The following TCEANC2 variants were observed in gnomAD, a reference collection of about 807,000 sequenced individuals.
TCEANC2 encodes transcription elongation factor A N-terminal and central domain containing 2.
TCEANC2 carries 20 observed loss-of-function variants against 22.8 expected under a neutral mutation model. The ratio of observed to expected loss-of-function variants is 0.88; its 90% CI spans 0.62 to 1.28. The LOEUF is 1.28. TCEANC2 is among the 50% of genes most tolerant of loss of function. The probability of loss-of-function intolerance (pLI) is 0.00; values close to 1 mark genes in which losing one functional copy is unlikely to be tolerated. For missense variants in TCEANC2, 251 were observed against 249.7 expected, an observed-to-expected ratio of 1.01 and a Z score of -0.03; for synonymous variants, 84 against 95.5, an observed-to-expected ratio of 0.88 and a Z score of 0.70.
chr1:54,068,935 A>G lies in TCEANC2; in HGVS notation c.244+38A>G, dbSNP rs112243116. 1,537 of 1,492,226 alleles carry G rather than the reference A, an allele frequency of 1.0e-3. 7 individuals carry two copies. In the African/African-American group the frequency reaches 0.02, roughly 19 times the overall value. The allele number at this position is 1,492,226 out of a possible 1,614,324, so 92.4% of individuals were successfully genotyped here. A position where few individuals can be genotyped will look rare whatever the true frequency, so the allele number is the denominator to read the frequency against. ...TTAATTTTATTTTTTAAGAAAGCTT[A>G]TATTTTGTCTCCCTTCTTCTTTCCT... is the stretch of plus-strand genomic sequence containing the variant. On this transcript the variant is annotated intron_variant, in intron 3 of 4. Coordinates refer to ENST00000234827, the MANE Select transcript of TCEANC2 (RefSeq NM_153035.3).
intron 3 of TCEANC2, among the ~76,000 whole-genome samples, chr1:54,070,706 GC>G (rs1328636154): frequency 6.6e-6 from 1 of 152,170 alleles, no homozygotes; most frequent in African/African-American, 2.4e-5. Flanking sequence ...TTGGATCATT[GC>G]CTGAGAGTGT....
At chr1:54,110,267 T>C (rs1157513328), downstream of TCEANC2, among the ~76,000 whole-genome samples, 1 of 152,152 alleles carries the variant, frequency 6.6e-6, no homozygotes, top group Non-Finnish European at 1.5e-5. Flanking sequence ...AGTGAATGTC[T>C]AGAATATACT....
intron 3 of TCEANC2, 33 bp downstream of exon 3, chr1:54,068,930 A>G: frequency 6.6e-7 from 1 of 1,507,326 alleles, no homozygotes; most frequent in South Asian, 1.4e-5. Context: ...TTTTTAAGAA[A>G]GCTTATATTT....
intron 3 of TCEANC2, among the ~76,000 whole-genome samples, chr1:54,077,159 G>A (rs1043902838): frequency 6.6e-6 from 1 of 152,160 alleles, no homozygotes; most frequent in Non-Finnish European, 1.5e-5. Context: ...TGACCATAGA[G>A]GTGAGGGAAA....
intron 3 of TCEANC2, among the ~76,000 whole-genome samples, chr1:54,070,765 G>T (rs1466201298): frequency 1.3e-5 from 2 of 152,138 alleles, no homozygotes; most frequent in African/African-American, 4.8e-5. Flanking sequence ...TATCCTGTGG[G>T]TTATAAGGGA....
In TCEANC2 at chr1:54,054,117, T is replaced by C. The variant is rs764991512; in HGVS notation, c.-42-264T>C. On this transcript the variant is annotated intron_variant, in intron 1 of 4. Coordinates refer to ENST00000234827, the MANE Select transcript of TCEANC2 (RefSeq NM_153035.3). ...AGCGGGGATTCCAATATTGGGCCAA[T>C]TCCCCCAATGTTGGAATCCTCGCTA... 1.1e-4 allele frequency: 67 copies of C among 593,296 alleles called. No homozygotes were observed. The Middle Eastern group carries it at 7.3e-3, about 65-fold the overall frequency. 36.8% of individuals were successfully genotyped at this position (593,296 alleles called of 1,614,324 possible).
intron 2 of TCEANC2, among the ~76,000 whole-genome samples, chr1:54,058,717 C>T (rs867720629): frequency 2.6e-5 from 4 of 152,106 alleles, no homozygotes; most frequent in East Asian, 1.9e-4. Flanking sequence ...AGTGCAGTGG[C>T]GAGATTTTGG....
chr1:54,088,715 A>C lies in TCEANC2; in HGVS notation c.363A>C (p.Glu121Asp), dbSNP rs1271041773. The change falls in exon 4 of 5, where the codon GAA (glutamate) becomes GAC (aspartate). Residue 121 changes from glutamate to aspartate, a missense_variant. Coordinates refer to ENST00000234827, the MANE Select transcript of TCEANC2 (RefSeq NM_153035.3). ...TEKHSNRPSIEVRSDPKTESL... is the reference protein window; with the variant it reads ...TEKHSNRPSIDVRSDPKTESL... ...AACATTCAAATAGACCTTCTATTGA[A>C]GTTAGAAGTGATCCCAAAACCGAGT... The C allele has an allele frequency of 6.2e-7, 1 of 1,608,490 alleles. No homozygotes were observed. The highest frequency in any genetic ancestry group is 8.5e-7 in the Non-Finnish European group (1 of 1,177,328).
chr1:54,073,765 A>G (rs1658098779), intron 3 of TCEANC2, among the ~76,000 whole-genome samples: 1 of 152,234 alleles, frequency 6.6e-6, no homozygotes, highest in African/African-American at 2.4e-5. Context: ...CTGGAAGCTC[A>G]GTTAGGAAGC....
chr1:54,085,637 C>A (rs1193793156), intron 3 of TCEANC2, among the ~76,000 whole-genome samples: 1 of 152,076 alleles, frequency 6.6e-6, no homozygotes, highest in Non-Finnish European at 1.5e-5. Flanking sequence ...TATACTCTTG[C>A]TCAGTTATAT....
chr1:54,054,340 T>A, intron 1 of TCEANC2, 41 bp from the exon 2 acceptor site: 1 of 1,564,640 alleles, frequency 6.4e-7, no homozygotes, highest in Non-Finnish European at 8.6e-7. Context: ...ATCATGGCAG[T>A]CTTTAGTGGG....
intron 3 of TCEANC2, among the ~76,000 whole-genome samples, chr1:54,078,600 C>A (rs1382581488): frequency 6.6e-6 from 1 of 152,078 alleles, no homozygotes; most frequent in Non-Finnish European, 1.5e-5. Flanking sequence ...CTTACATAAA[C>A]CCATTAAGTG....
At chr1:54,081,517 G>C (rs1286979370) in intron 3 of TCEANC2, among the ~76,000 whole-genome samples, 1 of 152,108 alleles carries the variant, frequency 6.6e-6, no homozygotes, top group Non-Finnish European at 1.5e-5. Context: ...CAAAGTGCTG[G>C]GATTACAGGC....
rs777517248 is a variant in TCEANC2, at chr1:54,097,135, C to T, written c.*662C>T. On this transcript the variant is annotated 3_prime_UTR_variant, in exon 5 of 5. Transcript: ENST00000234827. ...GGGTTTATTTGAATACGCTGGCGCT[C>T]TCAGTTTAGGGCTCTGTAGAAGATA... 4.2e-6 allele frequency: 1 copy of T among 239,252 alleles called. No individual in the cohort carries two copies. Among genetic ancestry groups the T allele is most frequent in the Non-Finnish European group, 6.8e-6 (1 of 147,362 alleles). The allele number at this position is 239,252 out of a possible 1,614,324, so 14.8% of individuals were successfully genotyped here. A position where few individuals can be genotyped will look rare whatever the true frequency, so the allele number is the denominator to read the frequency against.
intron 4 of TCEANC2, among the ~76,000 whole-genome samples, chr1:54,091,607 T>C (rs1161475268): frequency 4.6e-5 from 7 of 152,216 alleles, no homozygotes; most frequent in African/African-American, 1.4e-4. Context: ...AAGGTGCATC[T>C]CTTTATTACC....
At chr1:54,080,705 G>A (rs1658223593) in intron 3 of TCEANC2, among the ~76,000 whole-genome samples, 1 of 152,214 alleles carries the variant, frequency 6.6e-6, no homozygotes, top group South Asian at 2.1e-4. Flanking sequence ...CAATGCCTAT[G>A]AGTATTTGGT....
chr1:54,060,656 G>A (rs890523815), intron 2 of TCEANC2, among the ~76,000 whole-genome samples: 2 of 152,022 alleles, frequency 1.3e-5, no homozygotes, highest in Non-Finnish European at 2.9e-5. Flanking sequence ...GGTAAGAGAA[G>A]AGGCCTGGCG....
At chr1:54,107,602 G>A (rs1658778663), downstream of TCEANC2, among the ~76,000 whole-genome samples, 1 of 152,066 alleles carries the variant, frequency 6.6e-6, no homozygotes, top group Non-Finnish European at 1.5e-5. Context: ...TCCCTTCTCT[G>A]CCATTTAATT....
intron 3 of TCEANC2, among the ~76,000 whole-genome samples, chr1:54,085,244 A>G (rs1658317230): frequency 6.6e-6 from 1 of 152,230 alleles, no homozygotes; most frequent in East Asian, 1.9e-4. Flanking sequence ...TGCTTGTTTA[A>G]GCCCTACATG....
Sources: allele counts gnomAD v4.1 joint callset (sites outside exome capture counted in the v4.1 genomes callset), GRCh38; gene constraint gnomAD v4.1.1; transcripts MANE v1.5; gene names NCBI Gene and HGNC (gene_info 2026-07-23, HGNC 2026-07-21).